Variants in ABCA3 observed in about 807,000 individuals in gnomAD.
ABCA3 encodes the protein phospholipid-transporting ATPase ABCA3.
Under a neutral mutation model 172.8 loss-of-function variants are expected in ABCA3, and 88 were observed. The observed-to-expected ratio is 0.51, with a 90% CI of 0.43 to 0.61. The LOEUF (loss-of-function observed/expected upper bound fraction) is 0.61. Among genes scored for constraint, ABCA3 ranks in the 20% least tolerant of loss-of-function variants. ABCA3 has a pLI of 0.00. For missense variants in ABCA3, 2,164 were observed against 2,301.0 expected (o/e 0.94, Z 1.22); for synonymous variants, 1,066 against 983.8 (o/e 1.08, Z -1.56).
intron 10 of ABCA3, among the ~76,000 whole-genome samples, chr16:2,310,092 A>C (rs1266631768): frequency 2.0e-5 from 3 of 152,136 alleles, no homozygotes; most frequent in African/African-American, 7.2e-5. Flanking sequence ...CAAATCCACT[A>C]CAAGTCAACA....
At chr16:2,332,901 G>A (rs1457228093) in intron 1 of ABCA3, among the ~76,000 whole-genome samples, 1 of 152,074 alleles carries the variant, frequency 6.6e-6, no homozygotes, top group African/African-American at 2.4e-5. Flanking sequence ...GGTGCTCCTG[G>A]GCTCAAGTGA....
intron 1 of ABCA3, among the ~76,000 whole-genome samples, chr16:2,340,112 G>C (rs1347469630): frequency 6.6e-6 from 1 of 152,220 alleles, no homozygotes; most frequent in Non-Finnish European, 1.5e-5. Flanking sequence ...CTTTGCCACC[G>C]CGCGCCCGGC....
chr16:2,318,684 T>C (rs2093720638), intron 8 of ABCA3, among the ~76,000 whole-genome samples: 1 of 152,056 alleles, frequency 6.6e-6, no homozygotes, highest in African/African-American at 2.4e-5. Context: ...GGCTAATTTT[T>C]GTATTTTTAG....
Position 2,292,205 on chromosome 16 carries a change from C to G in ABCA3, c.2448G>C (p.Lys816Asn), listed in dbSNP as rs970709883. 6.2e-7 allele frequency: 1 copy of G among 1,613,994 alleles called. No homozygotes were observed. Among genetic ancestry groups the G allele is most frequent in the South Asian group, 1.1e-5 (1 of 91,084 alleles). Reference sequence around the variant, plus strand: ...AGCTGGCAATGCCCAGCTCTTTCTGCTTCTTCTCCAGTTTAGCAAAGAGAC... The same window carrying G: ...AGCTGGCAATGCCCAGCTCTTTCTGGTTCTTCTCCAGTTTAGCAAAGAGAC... Reference protein sequence around the residue: ...FEGLFAKLEKKQKELGIASFG... With the variant: ...FEGLFAKLEKNQKELGIASFG... Residue 816 changes from lysine (K) to asparagine (N), a missense_variant, in exon 19 of 33, where the codon AAG becomes AAC. Coordinates refer to ENST00000301732, the MANE Select transcript of ABCA3 (RefSeq NM_001089.3).
At chr16:2,295,548 T>C (rs1255267798) in intron 18 of ABCA3, 42 bp downstream of exon 18, 3 of 1,605,718 alleles carry the variant, frequency 1.9e-6, no homozygotes. Flanking sequence ...GGGGATCCCA[T>C]CTTGGATGTA....
intron 10 of ABCA3, among the ~76,000 whole-genome samples, chr16:2,311,375 A>G (rs939577772): frequency 1.3e-5 from 2 of 152,182 alleles, no homozygotes; most frequent in South Asian, 2.1e-4. Context: ...GTTTTTACAG[A>G]TATCTGTGGA....
chr16:2,304,171 G>C, intron 11 of ABCA3, 21 bp from the exon 12 acceptor site: 1 of 1,613,988 alleles, frequency 6.2e-7, no homozygotes, highest in Non-Finnish European at 8.5e-7. Context: ...CATCAGGAAA[G>C]TGGCCCGAAA....
chr16:2,283,083 C>G lies in ABCA3; in HGVS notation c.4035+103G>C. On this transcript the variant is annotated intron_variant, in intron 26 of 32. Transcript: ENST00000301732. The surrounding 1 kb of genome is among the most constrained non-coding windows in gnomAD (Gnocchi z 5.4). ...AGTGGGAGACCATCTGGTGCAGGAG[C>G]TGCCTGGTGGAGAAGGAGGTGGAGC... The G allele has an allele frequency of 7.7e-7, 1 of 1,300,998 alleles. No homozygotes were observed. The highest frequency in any genetic ancestry group is 2.0e-5 in the Admixed American group (1 of 50,728). 80.6% of individuals were successfully genotyped at this position (1,300,998 alleles called of 1,614,324 possible).
At chr16:2,307,383 T>C (rs529014173) in intron 11 of ABCA3, among the ~76,000 whole-genome samples, 17 of 151,842 alleles carry the variant, frequency 1.1e-4, no homozygotes, top group African/African-American at 4.1e-4. Flanking sequence ...CAAAACCCCC[T>C]CTCTACTAAA....
At chr16:2,321,861 A>C (rs1189053401) in intron 7 of ABCA3, among the ~76,000 whole-genome samples, 1 of 152,194 alleles carries the variant, frequency 6.6e-6, no homozygotes, top group East Asian at 1.9e-4. Context: ...CGGCAGAAAA[A>C]GAAAATGTAA....
chr16:2,309,556 G>C (rs2093703277), intron 10 of ABCA3, among the ~76,000 whole-genome samples: 1 of 152,202 alleles, frequency 6.6e-6, no homozygotes, highest in African/African-American at 2.4e-5. Context: ...GTGGATTACG[G>C]AGAGTGGAGA....
chr16:2,282,031 C>A (rs2033818686), intron 26 of ABCA3, among the ~76,000 whole-genome samples: 1 of 152,152 alleles, frequency 6.6e-6, no homozygotes, highest in Non-Finnish European at 1.5e-5. Flanking sequence ...CTTTGGTGAT[C>A]CGTCCACCTT....
intron 14 of ABCA3, 151 bp from the exon 15 acceptor site, chr16:2,298,691 G>T: frequency 2.2e-6 from 2 of 911,466 alleles, no homozygotes; most frequent in Non-Finnish European, 3.3e-6. Flanking sequence ...CACTGGGGTG[G>T]GCTTTGGCTG....
In ABCA3 at chr16:2,285,715, G is replaced by T; in HGVS notation, c.3279-69C>A. The T allele has an allele frequency of 1.4e-6, 2 of 1,479,722 alleles. No individual in the cohort carries two copies. Among genetic ancestry groups the T allele is most frequent in the Non-Finnish European group, 1.8e-6 (2 of 1,086,194 alleles). 91.7% of individuals were successfully genotyped at this position (1,479,722 alleles called of 1,614,324 possible). ...GGGTGGCAGGAGAGGTCGGGTTCTC[G>T]GTTATGACCGCCCAAGGCATGCAGG... On this transcript the variant is annotated intron_variant, in intron 22 of 32. Transcript: ENST00000301732. This position sits in a 1 kb window ranked among gnomAD's most constrained non-coding sequence, Gnocchi z 4.7.
At chr16:2,295,825 A>C in intron 17 of ABCA3, 85 bp from the exon 18 acceptor site, 2 of 1,589,014 alleles carry the variant, frequency 1.3e-6, no homozygotes, top group South Asian at 1.1e-5. Context: ...GGCTCACACC[A>C]GGCAAGCTGG....
At chr16:2,339,538 C>CAA (rs1299272795) in intron 1 of ABCA3, among the ~76,000 whole-genome samples, 1 of 152,166 alleles carries the variant, frequency 6.6e-6, no homozygotes, top group African/African-American at 2.4e-5. Context: ...TTCAAGTTTA[C>CAA]AAAAGGCAGC....
chr16:2,281,039 A>G lies in ABCA3; in HGVS notation c.4347T>C (p.Ser1449=). 1 of 1,613,764 alleles carries G rather than the reference A, an allele frequency of 6.2e-7. No homozygotes were observed. Among genetic ancestry groups the G allele is most frequent in the Admixed American group, 1.7e-5 (1 of 59,998 alleles). The change falls in exon 28 of 33, where the codon TCT becomes TCC. Residue 1449 remains serine, a synonymous_variant. Transcript: ENST00000301732. This position sits in a 1 kb window ranked among gnomAD's most constrained non-coding sequence, Gnocchi z 4.7. ...TGGCTGCACCCACCTTTCCGACATC[A>G]GAGCTGATTCTGTGACCCCCGACAA... ...DAFVGGHRIS[S]DVGKVRQRIG...
At position 2,326,181 on chromosome 16, in the gene ABCA3, T is replaced by C; in HGVS notation, c.148A>G (p.Asn50Asp). 6.2e-7 allele frequency: 1 copy of C among 1,614,100 alleles called. No individual in the cohort carries two copies. The highest frequency in any genetic ancestry group is 8.5e-7 in the Non-Finnish European group (1 of 1,180,020). The change falls in exon 5 of 33, where the codon AAT (asparagine) becomes GAT (aspartate). Residue 50 changes from asparagine to aspartate, a missense_variant. Coordinates refer to ENST00000301732, the MANE Select transcript of ABCA3 (RefSeq NM_001089.3). The part of the protein sequence containing the change: ...IWLRLKIQSE[N>D]VPNATIYPGQ... Reference sequence around the variant, plus strand: ...GGGTAGATGGTGGCGTTGGGCACATTTTCCGACTGAATCTTCAAGCGGAGC... The same window carrying C: ...GGGTAGATGGTGGCGTTGGGCACATCTTCCGACTGAATCTTCAAGCGGAGC...
chr16:2,288,106 G>A lies in ABCA3; in HGVS notation c.2924C>T (p.Thr975Ile). Reference sequence around the variant, plus strand: ...TGACAGCTGCTGACCCAGCTGGGAGGTCCCGGGAACTGAGAAGGGCACGAC... The same window carrying A: ...TGACAGCTGCTGACCCAGCTGGGAGATCCCGGGAACTGAGAAGGGCACGAC... ...RTVVPFSVPG[T>I]SQLGQQLSEH... The change falls in exon 21 of 33, where the codon ACC (threonine) becomes ATC (isoleucine). Residue 975 changes from threonine to isoleucine, a missense_variant. Thr to Ile is a moderately conservative substitution (Grantham distance 89). Coordinates refer to ENST00000301732, the MANE Select transcript of ABCA3 (RefSeq NM_001089.3). The A allele has an allele frequency of 1.2e-6, 2 of 1,613,688 alleles. No individual in the cohort carries two copies. Among genetic ancestry groups the A allele is most frequent in the East Asian group, 4.5e-5 (2 of 44,882 alleles).
Sources: allele counts gnomAD v4.1 joint callset (sites outside exome capture counted in the v4.1 genomes callset), GRCh38; gene constraint gnomAD v4.1.1; non-coding constraint Gnocchi (gnomAD v3.1); transcripts MANE v1.5; gene names NCBI Gene and HGNC (gene_info 2026-07-23, HGNC 2026-07-21).